Variants in HSPB2 observed in about 807,000 individuals in gnomAD.
HSPB2 encodes the protein heat shock protein beta-2.
HSPB2 carries 14 observed loss-of-function variants against 14.1 expected under a neutral mutation model. The ratio of observed to expected loss-of-function variants is 0.99; its 90% CI spans 0.66 to 1.55. HSPB2 has a LOEUF of 1.55. Among genes scored for constraint, HSPB2 ranks in the 40% most tolerant of loss-of-function variants. The pLI, the probability that HSPB2 is intolerant of heterozygous loss-of-function variation, is 0.00. For missense variants in HSPB2, 242 were observed against 241.7 expected (o/e 1.00, Z -0.01); for synonymous variants, 110 against 103.4 (o/e 1.06, Z -0.39).
In HSPB2 at chr11:111,913,812, G is replaced by C; in HGVS notation, c.466G>C (p.Glu156Gln). The C allele has an allele frequency of 6.2e-7, 1 of 1,614,160 alleles. No homozygotes were observed. Among genetic ancestry groups the C allele is most frequent in the Non-Finnish European group, 8.5e-7 (1 of 1,180,036 alleles). The change falls in exon 2 of 2, where the codon GAG (glutamate) becomes CAG (glutamine). Residue 156 changes from glutamate to glutamine, a missense_variant. Coordinates refer to ENST00000304298, the MANE Select transcript of HSPB2 (RefSeq NM_001541.4). ...TCGGGGTGGCCGACATTTGGACACA[G>C]AGGTCAATGAGGTCTACATCTCCCT... ...APRGGRHLDT[E>Q]VNEVYISLLP...
Position 111,914,042 on chromosome 11 carries a change from C to A in HSPB2, c.*147C>A. The A allele has an allele frequency of 1.3e-6, 1 of 746,074 alleles. No homozygotes were observed. The highest frequency in any genetic ancestry group is 2.1e-6 in the Non-Finnish European group (1 of 469,982). The allele number at this position is 746,074 out of a possible 1,614,324, so 46.2% of individuals were successfully genotyped here. On this transcript the variant is annotated 3_prime_UTR_variant, in exon 2 of 2. Transcript: ENST00000304298. ...TATGGTTTGGTCCCATGGGACATGT[C>A]ATAGCCTTGGTTTAGTTTTGGGTGG...
rs1555165744 is a variant in HSPB2 at position 111,912,836 on chromosome 11, G to A, written c.7G>A (p.Gly3Ser). The A allele has an allele frequency of 1.2e-6, 2 of 1,602,314 alleles. No individual in the cohort carries two copies. The highest frequency in any genetic ancestry group is 4.5e-5 in the East Asian group (2 of 44,436). MS[G>S]RSVPHAHPAT... ...TTCTGCTGCATCTGCAGCCATGTCGGGCCGCTCAGTGCCACATGCCCACCC... is the reference window on the plus strand; with the variant it reads ...TTCTGCTGCATCTGCAGCCATGTCGAGCCGCTCAGTGCCACATGCCCACCC... Residue 3 changes from glycine to serine, a missense_variant, in exon 1 of 2, where the codon GGC becomes AGC. Gly to Ser is a moderately conservative substitution (Grantham distance 56). Coordinates refer to ENST00000304298, the MANE Select transcript of HSPB2 (RefSeq NM_001541.4).
In HSPB2 at chr11:111,913,643, G is replaced by T; in HGVS notation, c.297G>T (p.Val99=). 6.2e-7 allele frequency: 1 copy of T among 1,614,188 alleles called. No homozygotes were observed. The highest frequency in any genetic ancestry group is 8.5e-7 in the Non-Finnish European group (1 of 1,180,036). The change falls in exon 2 of 2, where the codon GTG becomes GTT. Residue 99 remains valine (V), a synonymous_variant. Transcript: ENST00000304298. Reference sequence around the variant, plus strand: ...GGACTGTGGATAACCTGCTGGAGGTGTCTGCCCGGCACCCCCAGCGCCTGG... The same window carrying T: ...GGACTGTGGATAACCTGCTGGAGGTTTCTGCCCGGCACCCCCAGCGCCTGG... ...TVRTVDNLLE[V]SARHPQRLDR... is the part of the protein sequence containing the mutation.
chr11:111,913,263 TTTCCCCTC>T, intron 1 of HSPB2, 170 bp from the exon 2 acceptor site: 1 of 642,128 alleles, frequency 1.6e-6, no homozygotes, highest in Non-Finnish European at 2.8e-6. Context: ...TTCCGTTCTC[TTTCCCCTC>T]TTCCGAGCTG....
chr11:111,913,438 T>C lies in HSPB2; in HGVS notation c.95-3T>C, dbSNP rs1555165842. 1 of 1,602,774 alleles carries C rather than the reference T, an allele frequency of 6.2e-7. No individual in the cohort carries two copies. The highest frequency in any genetic ancestry group is 2.2e-5 in the East Asian group (1 of 44,810). On this transcript the variant is annotated splice_region_variant and splice_polypyrimidine_tract_variant and intron_variant, in intron 1 of 1. Transcript: ENST00000304298. Reference sequence around the variant, plus strand: ...TGCCTCTTGCCTTCTCTCTGCCCTTTAGGCCTCCTGCCAGAAGAGATCCTG... The same window carrying C: ...TGCCTCTTGCCTTCTCTCTGCCCTTCAGGCCTCCTGCCAGAAGAGATCCTG...
chr11:111,912,773 C>T lies in HSPB2; in HGVS notation c.-57C>T. Reference sequence around the variant, plus strand: ...TGGCTCTCCGGGCAGCTGGAGGGGTCGCGCTGCGCCTGTTGGGGCTGCACC... The same window carrying T: ...TGGCTCTCCGGGCAGCTGGAGGGGTTGCGCTGCGCCTGTTGGGGCTGCACC... On this transcript the variant is annotated 5_prime_UTR_variant, in exon 1 of 2. Coordinates refer to ENST00000304298, the MANE Select transcript of HSPB2 (RefSeq NM_001541.4). The T allele has an allele frequency of 7.6e-7, 1 of 1,315,832 alleles. No individual in the cohort carries two copies. 81.5% of individuals were successfully genotyped at this position (1,315,832 alleles called of 1,614,324 possible). A position where few individuals can be genotyped will look rare whatever the true frequency, so the allele number is the denominator to read the frequency against.
chr11:111,913,305 G>A, intron 1 of HSPB2, 136 bp from the exon 2 acceptor site: 1 of 692,532 alleles, frequency 1.4e-6, no homozygotes. Context: ...GCTACAGTGT[G>A]GCCTCCCTCC....
At position 111,913,595 on chromosome 11, in the gene HSPB2, T is replaced by C. The variant is rs1965542470; in HGVS notation, c.249T>C (p.Phe83=). The part of the protein sequence containing the change: ...KFQAFLDVSH[F]TPDEVTVRTV... ...AGGCATTTCTGGATGTGAGCCACTT[T>C]ACCCCAGACGAGGTGACTGTGAGGA... is the stretch of plus-strand genomic sequence containing the variant. Residue 83 remains phenylalanine, a synonymous_variant, in exon 2 of 2, where the codon TTT becomes TTC. Transcript: ENST00000304298. 1 of 1,614,208 alleles carries C rather than the reference T, an allele frequency of 6.2e-7. No homozygotes were observed. The highest frequency in any genetic ancestry group is 8.5e-7 in the Non-Finnish European group (1 of 1,180,026).
In HSPB2 at chr11:111,913,815, G is replaced by T. The variant is rs1965550464; in HGVS notation, c.469G>T (p.Val157Phe). 1.9e-6 allele frequency: 3 copies of T among 1,614,016 alleles called. No homozygotes were observed. The highest frequency in any genetic ancestry group is 2.7e-5 in the African/African-American group (2 of 74,932). Reference protein sequence around the residue: ...PRGGRHLDTEVNEVYISLLPA... With the variant: ...PRGGRHLDTEFNEVYISLLPA... ...GGGTGGCCGACATTTGGACACAGAGGTCAATGAGGTCTACATCTCCCTGCT... is the reference window on the plus strand; with the variant it reads ...GGGTGGCCGACATTTGGACACAGAGTTCAATGAGGTCTACATCTCCCTGCT... Residue 157 changes from valine (V) to phenylalanine (F), a missense_variant, in exon 2 of 2, where the codon GTC (valine) becomes TTC (phenylalanine). By Grantham distance (50) the Val-to-Phe change is conservative. Coordinates refer to ENST00000304298, the MANE Select transcript of HSPB2 (RefSeq NM_001541.4).
Position 111,913,839 on chromosome 11 carries a change from C to T in HSPB2, c.493C>T (p.Leu165Phe), listed in dbSNP as rs1555165918. 3.1e-6 allele frequency: 5 copies of T among 1,613,872 alleles called. No homozygotes were observed. The Admixed American group carries it at 5.0e-5, about 16-fold the overall frequency. The change falls in exon 2 of 2, where the codon CTC (leucine) becomes TTC (phenylalanine). Residue 165 changes from leucine (L) to phenylalanine (F), a missense_variant. Transcript: ENST00000304298. ...GGTCAATGAGGTCTACATCTCCCTG[C>T]TCCCTGCGCCTCCTGATCCAGAGGA... ...TEVNEVYISL[L>F]PAPPDPEEEE...
At position 111,913,631 on chromosome 11, in the gene HSPB2, C is replaced by T; in HGVS notation, c.285C>T (p.Asn95=). The T allele has an allele frequency of 6.2e-7, 1 of 1,614,206 alleles. No homozygotes were observed. The change falls in exon 2 of 2, where the codon AAC becomes AAT. Residue 95 remains asparagine (N), a synonymous_variant. Coordinates refer to ENST00000304298, the MANE Select transcript of HSPB2 (RefSeq NM_001541.4). ...AGGTGACTGTGAGGACTGTGGATAA[C>T]CTGCTGGAGGTGTCTGCCCGGCACC... is the stretch of plus-strand genomic sequence containing the variant. ...PDEVTVRTVD[N]LLEVSARHPQ...
chr11:111,913,049 C>A (rs546158321), intron 1 of HSPB2, 126 bp downstream of exon 1: 22 of 701,068 alleles, frequency 3.1e-5, no homozygotes, highest in East Asian at 1.4e-4. Context: ...AGCCACCCCC[C>A]ACCCCAGACT....
At chr11:111,912,989 A>G in intron 1 of HSPB2, 66 bp downstream of exon 1, 3 of 1,020,136 alleles carry the variant, frequency 2.9e-6, no homozygotes, top group South Asian at 2.8e-5. Flanking sequence ...CTGACCTCCC[A>G]ACGTTGCTGG....
rs782340446 is a variant in HSPB2 at position 111,913,646 on chromosome 11, T to A, written c.300T>A (p.Ser100=). ...CTGTGGATAACCTGCTGGAGGTGTC[T>A]GCCCGGCACCCCCAGCGCCTGGACC... ...VRTVDNLLEV[S]ARHPQRLDRH... is the part of the protein sequence containing the mutation. Residue 100 remains serine, a synonymous_variant, in exon 2 of 2, where the codon TCT becomes TCA. Coordinates refer to ENST00000304298, the MANE Select transcript of HSPB2 (RefSeq NM_001541.4). 6.2e-7 allele frequency: 1 copy of A among 1,614,136 alleles called. No homozygotes were observed.
chr11:111,913,926 T>G lies in HSPB2; in HGVS notation c.*31T>G, dbSNP rs1555165937. ...ACAGACCCAGCACCCAGCAAATCCCTCTCTACCTCCCAAGGTGATATGGGC... is the reference window on the plus strand; with the variant it reads ...ACAGACCCAGCACCCAGCAAATCCCGCTCTACCTCCCAAGGTGATATGGGC... On this transcript the variant is annotated 3_prime_UTR_variant, in exon 2 of 2. Coordinates refer to ENST00000304298, the MANE Select transcript of HSPB2 (RefSeq NM_001541.4). The G allele has an allele frequency of 6.4e-7, 1 of 1,558,528 alleles. No individual in the cohort carries two copies. The highest frequency in any genetic ancestry group is 8.7e-7 in the Non-Finnish European group (1 of 1,150,188).
intron 1 of HSPB2, chr11:111,913,219 T>C: frequency 3.8e-6 from 2 of 526,690 alleles, no homozygotes; most frequent in Non-Finnish European, 6.8e-6. Flanking sequence ...CTCCTCCCCC[T>C]CCTCCTCCTT....
At chr11:111,913,345 G>C in intron 1 of HSPB2, 96 bp from the exon 2 acceptor site, 1 of 953,624 alleles carries the variant, frequency 1.0e-6, no homozygotes, top group Non-Finnish European at 1.6e-6. Flanking sequence ...CTCCCCTCTT[G>C]CTCTTCCCAA....
Position 111,913,716 on chromosome 11 carries a change from C to T in HSPB2, c.370C>T (p.Pro124Ser). The change falls in exon 2 of 2, where the codon CCT (proline) becomes TCT (serine). Residue 124 changes from proline (P) to serine (S), a missense_variant. Transcript: ENST00000304298. ...SREFCRTYVL[P>S]ADVDPWRVRA... ...AGAGTTCTGCCGCACCTATGTCCTGCCTGCTGATGTCGACCCCTGGCGAGT... is the reference window on the plus strand; with the variant it reads ...AGAGTTCTGCCGCACCTATGTCCTGTCTGCTGATGTCGACCCCTGGCGAGT... 6.2e-7 allele frequency: 1 copy of T among 1,614,176 alleles called. No homozygotes were observed. The highest frequency in any genetic ancestry group is 2.2e-5 in the East Asian group (1 of 44,878).
chr11:111,913,846 C>A lies in HSPB2; in HGVS notation c.500C>A (p.Ala167Glu). 1.2e-6 allele frequency: 2 copies of A among 1,613,578 alleles called. No homozygotes were observed. The highest frequency in any genetic ancestry group is 1.6e-4 in the Middle Eastern group (1 of 6,062). Reference sequence around the variant, plus strand: ...GAGGTCTACATCTCCCTGCTCCCTGCGCCTCCTGATCCAGAGGAAGAGGAG... The same window carrying A: ...GAGGTCTACATCTCCCTGCTCCCTGAGCCTCCTGATCCAGAGGAAGAGGAG... Reference protein sequence around the residue: ...VNEVYISLLPAPPDPEEEEEA... With the variant: ...VNEVYISLLPEPPDPEEEEEA... Residue 167 changes from alanine (A) to glutamate (E), a missense_variant, in exon 2 of 2, where the codon GCG becomes GAG. By Grantham distance (107) the Ala-to-Glu change is moderately radical. Transcript: ENST00000304298.
Sources: gnomAD v4.1 joint callset for allele counts on GRCh38, gnomAD v4.1.1 for gene constraint, MANE v1.5 for transcripts, NCBI Gene and HGNC (gene_info 2026-07-23, HGNC 2026-07-21) for gene names.